Variants in ESPNL observed in about 807,000 individuals in gnomAD.
The protein encoded by ESPNL is espin-like protein.
Under a neutral mutation model 46.8 loss-of-function variants are expected in ESPNL, and 49 were observed. That is an observed-to-expected ratio of 1.05 (90% CI 0.83 to 1.33). The LOEUF (loss-of-function observed/expected upper bound fraction) is 1.33, where lower values mean the gene tolerates loss of function less well. Among genes scored for constraint, ESPNL ranks in the 40% most tolerant of loss-of-function variants. The probability of loss-of-function intolerance (pLI) is 0.00; values close to 1 mark genes in which losing one functional copy is unlikely to be tolerated. For synonymous variants in ESPNL, 664 were observed against 662.1 expected (o/e 1.00, Z -0.04); for missense variants, 1,540 against 1,436.6 (o/e 1.07, Z -1.16).
rs745406682 is a variant in ESPNL, at chr2:238,131,161, C to T, written c.2447C>T (p.Ala816Val). Residue 816 changes from alanine (A) to valine (V), a missense_variant, in exon 9 of 9, where the codon GCT (alanine) becomes GTT (valine). Physicochemically the swap from Ala to Val is moderately conservative, Grantham distance 64. Transcript: ENST00000343063. ...CTGGGCAACTGGAAGGCCATCATGG[C>T]TCACGTGCCCGCCCGGCAGCTGCGG... ...HLLGNWKAIMAHVPARQLRRL... is the reference protein window; with the variant it reads ...HLLGNWKAIMVHVPARQLRRL... 6.5e-7 allele frequency: 1 copy of T among 1,546,012 alleles called. No homozygotes were observed. Among genetic ancestry groups the T allele is most frequent in the South Asian group, 1.2e-5 (1 of 84,164 alleles).
chr2:238,109,623 C>G (rs1344275564), intron 4 of ESPNL, among the ~76,000 whole-genome samples: 3 of 152,260 alleles, frequency 2.0e-5, no homozygotes, highest in Non-Finnish European at 2.9e-5. Flanking sequence ...TTCCAAAGTG[C>G]TGGGATGACA....
intron 8 of ESPNL, 151 bp from the exon 9 acceptor site, chr2:238,129,977 T>C (rs1383234599): frequency 1.1e-5 from 10 of 869,992 alleles, no homozygotes; most frequent in Non-Finnish European, 1.7e-5. Flanking sequence ...GTCAGGGGCT[T>C]CTGCCCTAGC....
At position 238,104,678 on chromosome 2, in the gene ESPNL, A is replaced by G. The variant is rs1199154336; in HGVS notation, c.508A>G (p.Ser170Gly). The change falls in exon 3 of 9, where the codon AGT becomes GGT. Residue 170 changes from serine to glycine, a missense_variant. By Grantham distance (56) the Ser-to-Gly change is moderately conservative (BLOSUM62 0). Coordinates refer to ENST00000343063, the MANE Select transcript of ESPNL (RefSeq NM_194312.4). ...HGSSVNRRTR[S>G]GASPLYLACQ... ...CAGCAGCGTGAACCGGCGGACACGCAGTGGCGCCTCCCCACTCTACCTGGC... is the reference window on the plus strand; with the variant it reads ...CAGCAGCGTGAACCGGCGGACACGCGGTGGCGCCTCCCCACTCTACCTGGC... 5 of 1,600,004 alleles carry G rather than the reference A, an allele frequency of 3.1e-6. No homozygotes were observed. Among genetic ancestry groups the G allele is most frequent in the Non-Finnish European group, 4.3e-6 (5 of 1,173,746 alleles).
At chr2:238,125,226 G>C (rs1251607164) in intron 5 of ESPNL, 44 bp from the exon 6 acceptor site, 1 of 926,570 alleles carries the variant, frequency 1.1e-6, no homozygotes, top group Non-Finnish European at 1.6e-6. Flanking sequence ...GAGCAGGGAA[G>C]AGCCCACGGG....
At chr2:238,119,365 GGACGTGGATGAAGGAGTTGGATGC>G (rs1691923623) in intron 5 of ESPNL, among the ~76,000 whole-genome samples, 1 of 147,994 alleles carries the variant, frequency 6.8e-6, no homozygotes, top group South Asian at 2.2e-4. Flanking sequence ...GGTGGATGAA[GGACGTGGATGAAGGAGTTGGATGC>G]AGGAGGTGGA....
rs568653988 is a variant in ESPNL, at chr2:238,129,162, C to T, written c.1413+258C>T. On this transcript the variant is annotated intron_variant, in intron 8 of 8. Coordinates refer to ENST00000343063, the MANE Select transcript of ESPNL (RefSeq NM_194312.4). Reference sequence around the variant, plus strand: ...TGGCGGATTTGTGGCACATGCCTGCCTGTGCCAAGCGTTGTTCTAGGCCTT... The same window carrying T: ...TGGCGGATTTGTGGCACATGCCTGCTTGTGCCAAGCGTTGTTCTAGGCCTT... The T allele has an allele frequency of 8.3e-4, 1,160 of 1,394,152 alleles. 1 individual carries two copies. Among genetic ancestry groups the T allele is most frequent in the Non-Finnish European group, 1.0e-3 (1,089 of 1,077,512 alleles). 86.4% of individuals were successfully genotyped at this position (1,394,152 alleles called of 1,614,324 possible).
Position 238,130,379 on chromosome 2 carries a change from G to A in ESPNL, c.1665G>A (p.Leu555=), listed in dbSNP as rs1428507933. Residue 555 remains leucine (L), a synonymous_variant, in exon 9 of 9, where the codon CTG becomes CTA. Coordinates refer to ENST00000343063, the MANE Select transcript of ESPNL (RefSeq NM_194312.4). ...LVSITVNSHF[L]PRAPGLEVEE... ...GCATCACGGTCAACAGCCACTTCCT[G>A]CCCCGGGCGCCCGGACTGGAGGTTG... The A allele has an allele frequency of 1.2e-6, 2 of 1,610,688 alleles. No homozygotes were observed. Among genetic ancestry groups the A allele is most frequent in the Non-Finnish European group, 1.7e-6 (2 of 1,179,196 alleles).
At chr2:238,122,808 C>A (rs894623167) in intron 5 of ESPNL, among the ~76,000 whole-genome samples, 3 of 152,206 alleles carry the variant, frequency 2.0e-5, no homozygotes, top group Admixed American at 6.5e-5. Flanking sequence ...ATTGGGGTGG[C>A]CTTGCTGTTG....
chr2:238,117,258 C>T (rs575495010), intron 5 of ESPNL, among the ~76,000 whole-genome samples: 1 of 152,186 alleles, frequency 6.6e-6, no homozygotes, highest in Non-Finnish European at 1.5e-5. Flanking sequence ...GGGGCCAGGA[C>T]AGGGGCTGTG....
chr2:238,100,924 C>A (rs1427454892), intron 1 of ESPNL, among the ~76,000 whole-genome samples: 1 of 152,238 alleles, frequency 6.6e-6, no homozygotes, highest in Admixed American at 6.5e-5. Flanking sequence ...CCTAAATTTT[C>A]TTATCACCTT....
At chr2:238,105,698 G>T (rs1691581715) in intron 3 of ESPNL, among the ~76,000 whole-genome samples, 1 of 152,134 alleles carries the variant, frequency 6.6e-6, no homozygotes, top group South Asian at 2.1e-4. Context: ...GGCAGGAAAG[G>T]CAGACAGAGG....
At chr2:238,103,459 G>A (rs1481658466) in intron 2 of ESPNL, among the ~76,000 whole-genome samples, 1 of 151,844 alleles carries the variant, frequency 6.6e-6, no homozygotes, top group East Asian at 1.9e-4. Flanking sequence ...GAGGCTTCAT[G>A]TTAATATGCA....
In ESPNL at chr2:238,100,575, C is replaced by T; in HGVS notation, c.156C>T (p.Val52=). The change falls in exon 1 of 9, where the codon GTC becomes GTT. Residue 52 remains valine, a synonymous_variant. Transcript: ENST00000343063. ...HATRAGHLDC[V]KFLVQRAQLP... The stretch of plus-strand genomic sequence containing the variant: ...CCCGGGCTGGCCACCTGGACTGCGT[C>T]AAGTTCTTGGTGCAGCGGGCCCAGC... The T allele has an allele frequency of 6.3e-7, 1 of 1,579,444 alleles. No individual in the cohort carries two copies.
intron 5 of ESPNL, among the ~76,000 whole-genome samples, chr2:238,121,945 C>T (rs565826959): frequency 3.6e-4 from 55 of 152,342 alleles, no homozygotes; most frequent in Admixed American, 2.0e-3. Flanking sequence ...AACGGGTGTC[C>T]GGCACCCATC....
Position 238,130,439 on chromosome 2 carries a change from G to C in ESPNL, c.1725G>C (p.Gly575=). The C allele has an allele frequency of 6.2e-7, 1 of 1,605,488 alleles. No individual in the cohort carries two copies. Among genetic ancestry groups the C allele is most frequent in the Non-Finnish European group, 8.5e-7 (1 of 1,176,900 alleles). Residue 575 remains glycine (G), a synonymous_variant, in exon 9 of 9, where the codon GGG becomes GGC. Coordinates refer to ENST00000343063, the MANE Select transcript of ESPNL (RefSeq NM_194312.4). ...CAATCCCAGCGGCTGAGCCCGCAGG[G>C]TCTGCGGAGGCCTCAGAGGTGGCCC... ...EASIPAAEPA[G]SAEASEVAPG...
Position 238,131,116 on chromosome 2 carries a change from G to A in ESPNL, c.2402G>A (p.Arg801His), listed in dbSNP as rs371785015. The change falls in exon 9 of 9, where the codon CGC (arginine) becomes CAC (histidine). Residue 801 changes from arginine to histidine, a missense_variant. Coordinates refer to ENST00000343063, the MANE Select transcript of ESPNL (RefSeq NM_194312.4). Reference sequence around the variant, plus strand: ...CGGCTGGGCCACCTGTGGCAGCAGCGCAGCACCATCACCCACCTGCTGGGC... The same window carrying A: ...CGGCTGGGCCACCTGTGGCAGCAGCACAGCACCATCACCCACCTGCTGGGC... ...GPRLGHLWQQ[R>H]STITHLLGNW... is the part of the protein sequence containing the mutation. 9 of 1,544,882 alleles carry A rather than the reference G, an allele frequency of 5.8e-6. No homozygotes were observed. The highest frequency in any genetic ancestry group is 5.5e-5 in the African/African-American group (4 of 73,018).
chr2:238,130,789 C>T lies in ESPNL; in HGVS notation c.2075C>T (p.Pro692Leu), dbSNP rs1225819557. ...CTGAGTGGCTGCTGGCCAGCCCTGC[C>T]TAAGCCCCGCAGTGGCCTGGCTTCA... Reference protein sequence around the residue: ...QCLSGCWPALPKPRSGLASGE... With the variant: ...QCLSGCWPALLKPRSGLASGE... The change falls in exon 9 of 9, where the codon CCT becomes CTT. Residue 692 changes from proline to leucine, a missense_variant. By Grantham distance (98) the Pro-to-Leu change is moderately conservative (BLOSUM62 -3). Coordinates refer to ENST00000343063, the MANE Select transcript of ESPNL (RefSeq NM_194312.4). 1.3e-6 allele frequency: 2 copies of T among 1,544,356 alleles called. No individual in the cohort carries two copies. The highest frequency in any genetic ancestry group is 3.9e-5 in the Admixed American group (2 of 51,624).
chr2:238,126,621 CTG>C (rs1047957175), intron 6 of ESPNL, among the ~76,000 whole-genome samples: 26 of 133,296 alleles, frequency 2.0e-4, no homozygotes, highest in South Asian at 1.2e-3. Context: ...GTGTCCGTGT[CTG>C]TGTGTCTGTT....
intron 4 of ESPNL, among the ~76,000 whole-genome samples, chr2:238,113,723 C>T (rs1426698528): frequency 6.6e-6 from 1 of 152,188 alleles, no homozygotes; most frequent in African/African-American, 2.4e-5. Flanking sequence ...TGGCGTCTGG[C>T]TTCCATTTTC....
Sources: allele counts gnomAD v4.1 joint callset (sites outside exome capture counted in the v4.1 genomes callset), GRCh38; gene constraint gnomAD v4.1.1; transcripts MANE v1.5; gene names NCBI Gene and HGNC (gene_info 2026-07-23, HGNC 2026-07-21).